The following CLASP1 variants were observed in gnomAD, a reference collection of about 807,000 sequenced individuals.
CLASP1 encodes the protein cytoplasmic linker associated protein 1.
CLASP1 carries 38 observed loss-of-function variants against 192.3 expected under a neutral mutation model. That is an observed-to-expected ratio of 0.20 (90% CI 0.15 to 0.26). The LOEUF (loss-of-function observed/expected upper bound fraction) is 0.26. Among genes scored for constraint, CLASP1 ranks in the 10% least tolerant of loss-of-function variants. The pLI, the probability that CLASP1 is intolerant of heterozygous loss-of-function variation, is 1.00. For synonymous variants in CLASP1, 691 were observed against 712.8 expected, an observed-to-expected ratio of 0.97 and a Z score of 0.49; for missense variants, 1,433 against 1,932.5, an observed-to-expected ratio of 0.74 and a Z score of 4.85.
intron 8 of CLASP1, among the ~76,000 whole-genome samples, chr2:121,485,742 G>A (rs372716591): frequency 5.3e-5 from 8 of 152,080 alleles, no homozygotes; most frequent in Admixed American, 4.6e-4. Context: ...GGTGGGGGGC[G>A]CCTGTAATCC....
rs116277901 is a variant in CLASP1, at chr2:121,619,739, T to C, written c.-285-13559A>G. On this transcript the variant is annotated intron_variant, in intron 1 of 39. Transcript: ENST00000263710. ...AAATGTGAACTGTAAAAGTAGAACA[T>C]AGTTTTCATTCTATTTTTTCTCCTC... 2.3e-3 allele frequency among the ~76,000 whole-genome samples: 346 copies of C among 152,322 alleles called. 2 individuals carry two copies. Among genetic ancestry groups the C allele is most frequent in the African/African-American group, 7.8e-3 (323 of 41,564 alleles).
At chr2:121,400,818 T>C (rs549559391) in intron 28 of CLASP1, among the ~76,000 whole-genome samples, 1 of 152,326 alleles carries the variant, frequency 6.6e-6, no homozygotes. Context: ...TTTAAAAAAG[T>C]TCACCAATTT....
chr2:121,504,502 GA>G (rs2093876913), intron 7 of CLASP1, among the ~76,000 whole-genome samples: 1 of 152,132 alleles, frequency 6.6e-6, no homozygotes, highest in Non-Finnish European at 1.5e-5. Context: ...ACTCACTCAG[GA>G]GAGTTACATC....
At chr2:121,632,898 G>GAA (rs1553680682) in intron 1 of CLASP1, among the ~76,000 whole-genome samples, 16 of 86,332 alleles carry the variant, frequency 1.9e-4, no homozygotes, top group African/African-American at 2.9e-4. Flanking sequence ...CTCCATCTCA[G>GAA]AAAAAAAAAA....
At chr2:121,647,123 T>C (rs2073323613) in intron 1 of CLASP1, among the ~76,000 whole-genome samples, 1 of 151,226 alleles carries the variant, frequency 6.6e-6, no homozygotes, top group Admixed American at 6.6e-5. Context: ...ATCCCAGCAC[T>C]TCGGAAGGCC....
chr2:121,462,696 AC>A, intron 9 of CLASP1, 91 bp from the exon 10 acceptor site: 1 of 739,742 alleles, frequency 1.4e-6, no homozygotes, highest in Non-Finnish European at 2.3e-6. Flanking sequence ...AATCAAAATT[AC>A]ATTTTGGAAG....
chr2:121,358,576 T>A (rs2065825669), intron 37 of CLASP1, among the ~76,000 whole-genome samples: 1 of 152,206 alleles, frequency 6.6e-6, no homozygotes, highest in South Asian at 2.1e-4. Context: ...ACTATGGCAT[T>A]TGTCTAAAGG....
intron 8 of CLASP1, chr2:121,470,650 T>G: frequency 4.5e-6 from 2 of 447,152 alleles, no homozygotes; most frequent in Non-Finnish European, 8.9e-6. Flanking sequence ...TTTCCTACAC[T>G]TTTTTTTGTT....
chr2:121,639,121 A>G (rs2071515345), intron 1 of CLASP1, among the ~76,000 whole-genome samples: 1 of 151,922 alleles, frequency 6.6e-6, no homozygotes, highest in African/African-American at 2.4e-5. Flanking sequence ...CTAAAAATAC[A>G]AAAAAATTAG....
intron 39 of CLASP1, among the ~76,000 whole-genome samples, chr2:121,343,825 C>T (rs1017306064): frequency 1.3e-5 from 2 of 152,080 alleles, no homozygotes; most frequent in Non-Finnish European, 2.9e-5. Context: ...ACCTGTAATC[C>T]CAGCATTTTG....
chr2:121,510,668 T>C (rs182259617), intron 7 of CLASP1, among the ~76,000 whole-genome samples: 44 of 151,932 alleles, frequency 2.9e-4, no homozygotes, highest in Middle Eastern at 3.4e-3. Flanking sequence ...CATGGTAGCA[T>C]GCGCCTGTAG....
chr2:121,509,837 C>CA (rs1023589719), intron 7 of CLASP1, among the ~76,000 whole-genome samples: 4 of 151,642 alleles, frequency 2.6e-5, no homozygotes, highest in African/African-American at 7.3e-5. Flanking sequence ...GACTCTGCCT[C>CA]AAAAAAATGT....
chr2:121,450,868 T>C (rs913229318), intron 16 of CLASP1, 45 bp downstream of exon 16: 2 of 1,303,146 alleles, frequency 1.5e-6, no homozygotes, highest in Non-Finnish European at 2.2e-6. Context: ...TCATGTGAAA[T>C]ATAGAAGAAG....
In CLASP1 at chr2:121,398,498, G is replaced by A; in HGVS notation, c.2901-98C>T. 3 of 774,344 alleles carry A rather than the reference G, an allele frequency of 3.9e-6. 1 individual carries two copies. The South Asian group carries it at 5.3e-5, about 14-fold the overall frequency. The allele number at this position is 774,344 out of a possible 1,614,324, so 48.0% of individuals were successfully genotyped here. A position where few individuals can be genotyped will look rare whatever the true frequency, so the allele number is the denominator to read the frequency against. ...AGCATACCATTGTAAGTTAATGTAT[G>A]TAAAACCCTGTTCACATTTTTAATA... On this transcript the variant is annotated intron_variant, in intron 28 of 39. Transcript: ENST00000263710.
At chr2:121,621,660 T>C (rs890388886) in intron 1 of CLASP1, among the ~76,000 whole-genome samples, 1 of 152,238 alleles carries the variant, frequency 6.6e-6, no homozygotes, top group African/African-American at 2.4e-5. Context: ...TTCTATGCCA[T>C]TGATCTATAT....
chr2:121,438,457 C>G (rs945205969), intron 19 of CLASP1, among the ~76,000 whole-genome samples: 3 of 152,178 alleles, frequency 2.0e-5, no homozygotes, highest in African/African-American at 7.2e-5. Context: ...CATGGATATA[C>G]AGCCCCCTTG....
chr2:121,470,506 A>G, intron 8 of CLASP1: 1 of 367,232 alleles, frequency 2.7e-6, no homozygotes, highest in Admixed American at 4.0e-5. Flanking sequence ...GTGATGAAAT[A>G]TTTTTCATAA....
At chr2:121,424,385 T>C (rs774560041) in intron 22 of CLASP1, among the ~76,000 whole-genome samples, 2 of 152,240 alleles carry the variant, frequency 1.3e-5, no homozygotes, top group Non-Finnish European at 2.9e-5. Context: ...CAACACAATT[T>C]AAGAATACAG....
At chr2:121,642,961 C>G (rs1405359976) in intron 1 of CLASP1, among the ~76,000 whole-genome samples, 2 of 152,190 alleles carry the variant, frequency 1.3e-5, no homozygotes, top group African/African-American at 4.8e-5. Context: ...CTCCACTGGT[C>G]TCTCAACTTT....
Sources: allele counts gnomAD v4.1 joint callset (sites outside exome capture counted in the v4.1 genomes callset), GRCh38; gene constraint gnomAD v4.1.1; transcripts MANE v1.5; gene names NCBI Gene and HGNC (gene_info 2026-07-23, HGNC 2026-07-21).